ZNF800: variants seen among roughly 807,000 people sequenced by gnomAD.
The protein encoded by ZNF800 is zinc finger protein 800.
In ZNF800, 13 loss-of-function variants were observed where a neutral mutation model predicts 59.5. The observed-to-expected ratio is 0.22, with a 90% CI of 0.14 to 0.35. The LOEUF (loss-of-function observed/expected upper bound fraction) is 0.35. Ranked by LOEUF, ZNF800 falls within the 10% of genes least tolerant of loss-of-function variation. The pLI is 1.00. For synonymous variants in ZNF800, 266 were observed against 265.7 expected, an observed-to-expected ratio of 1.00 and a Z score of -0.01; for missense variants, 621 against 783.7, an observed-to-expected ratio of 0.79 and a Z score of 2.48.
At chr7:127,353,476 A>T (rs6972420) in intron 1 of ZNF800, among the ~76,000 whole-genome samples, 118,244 of 152,146 alleles carry the variant, frequency 0.78, 46,208 homozygotes, top group East Asian at 0.94. Flanking sequence ...CTTGTTCAAC[A>T]ACTGAATTTT....
At chr7:127,359,499 A>T (rs1800350066) in intron 1 of ZNF800, among the ~76,000 whole-genome samples, 1 of 152,188 alleles carries the variant, frequency 6.6e-6, no homozygotes, top group East Asian at 1.9e-4. Flanking sequence ...AGTTATTTTT[A>T]AAATAGAACT....
chr7:127,363,549 T>C (rs902469853), intron 1 of ZNF800: 2 of 150,950 alleles, frequency 1.3e-5, no homozygotes, highest in Admixed American at 6.6e-5. Context: ...ATGTATAGCC[T>C]AGAGAAGAGA....
At chr7:127,391,408 TG>T in intron 2 of ZNF800, 88 bp downstream of exon 2, 3 of 1,268,790 alleles carry the variant, frequency 2.4e-6, no homozygotes, top group Non-Finnish European at 3.5e-6. Flanking sequence ...GAATGACTAC[TG>T]GGGCAGGAGG....
rs1328159151 is a variant in ZNF800, at chr7:127,371,407, A to T, written c.*407T>A. ...ATGAAAATGTTGCCAAATAAAGAGA[A>T]ACAAAACTAAAATCACTAAGATATA... On this transcript the variant is annotated 3_prime_UTR_variant, in exon 6 of 6. Coordinates refer to ENST00000265827, the MANE Select transcript of ZNF800 (RefSeq NM_176814.5). The T allele has an allele frequency of 1.9e-5, 3 of 158,694 alleles. No homozygotes were observed. The highest frequency in any genetic ancestry group is 4.1e-5 in the Non-Finnish European group (3 of 72,420). The allele number at this position is 158,694 out of a possible 1,614,324, so 9.8% of individuals were successfully genotyped here. A position where few individuals can be genotyped will look rare whatever the true frequency, so the allele number is the denominator to read the frequency against.
chr7:127,370,842 A>G lies in ZNF800; in HGVS notation c.*972T>C, dbSNP rs1239235682. ...TTCTAAATTTTACAGTAGGAATCAAATATTATCTAAAGTGGTCCTTTAAGA... is the reference window on the plus strand; with the variant it reads ...TTCTAAATTTTACAGTAGGAATCAAGTATTATCTAAAGTGGTCCTTTAAGA... On this transcript the variant is annotated 3_prime_UTR_variant, in exon 6 of 6. Coordinates refer to ENST00000265827, the MANE Select transcript of ZNF800 (RefSeq NM_176814.5). The G allele has an allele frequency of 1.3e-5, 2 of 152,530 alleles. No individual in the cohort carries two copies. Among genetic ancestry groups the G allele is most frequent in the Admixed American group, 6.5e-5 (1 of 15,278 alleles). The allele number at this position is 152,530 out of a possible 1,614,324, so 9.4% of individuals were successfully genotyped here.
At chr7:127,353,745 G>A in intron 1 of ZNF800, among the ~76,000 whole-genome samples, 1 of 152,034 alleles carries the variant, frequency 6.6e-6, no homozygotes, top group East Asian at 1.9e-4. Context: ...TTTGTCTTTT[G>A]TGACACAATT....
intron 1 of ZNF800, among the ~76,000 whole-genome samples, chr7:127,355,891 A>G (rs1800261241): frequency 6.7e-6 from 1 of 150,050 alleles, no homozygotes; most frequent in African/African-American, 2.5e-5. Context: ...AGAAAATCAC[A>G]CTTACACAGG....
chr7:127,385,391 C>T (rs2117189716), intron 3 of ZNF800, among the ~76,000 whole-genome samples: 1 of 152,256 alleles, frequency 6.6e-6, no homozygotes, highest in South Asian at 2.1e-4. Context: ...CATAGGGGCG[C>T]TAACAGTTCC....
chr7:127,350,534 A>T (rs1276955661), intron 1 of ZNF800: 1 of 152,230 alleles, frequency 6.6e-6, no homozygotes, highest in African/African-American at 2.4e-5. Context: ...ATTTAATAGA[A>T]CGAAAGCAGA....
Position 127,392,287 on chromosome 7 carries a change from C to A in ZNF800, c.-286G>T, listed in dbSNP as rs779260002. On this transcript the variant is annotated 5_prime_UTR_variant, in exon 1 of 6. Coordinates refer to ENST00000265827, the MANE Select transcript of ZNF800 (RefSeq NM_176814.5). ...GTCCCTCCGCGGGCCGAGACGACTG[C>A]GGCGGCGGCTCACGGCGTCCTCCGC... The A allele has an allele frequency of 2.6e-6, 1 of 390,678 alleles. No homozygotes were observed. Among genetic ancestry groups the A allele is most frequent in the Non-Finnish European group, 4.5e-6 (1 of 220,882 alleles). The allele number at this position is 390,678 out of a possible 1,614,324, so 24.2% of individuals were successfully genotyped here.
At chr7:127,372,060 G>A (rs10254399) in intron 5 of ZNF800, among the ~76,000 whole-genome samples, 97,499 of 152,058 alleles carry the variant, frequency 0.64, 31,677 homozygotes, top group East Asian at 0.86. Context: ...CCTTAATACA[G>A]GGGACACAGG....
At chr7:127,387,857 TC>T (rs1416838229) in intron 2 of ZNF800, among the ~76,000 whole-genome samples, 1 of 151,302 alleles carries the variant, frequency 6.6e-6, no homozygotes, top group African/African-American at 2.4e-5. Context: ...CAAAACTGAC[TC>T]AAAATAAATA....
intron 3 of ZNF800, among the ~76,000 whole-genome samples, chr7:127,378,226 A>G (rs1185843734): frequency 1.3e-5 from 2 of 152,092 alleles, no homozygotes; most frequent in South Asian, 2.1e-4. Flanking sequence ...CTATGAAAGA[A>G]TATCTTTAGG....
rs189638869 is a variant in ZNF800, at chr7:127,373,246, C to T, written c.1994+96G>A. The T allele has an allele frequency of 6.6e-6, 10 of 1,505,672 alleles. No homozygotes were observed. In the East Asian group the frequency reaches 1.4e-4, roughly 21 times the overall value. The allele number at this position is 1,505,672 out of a possible 1,614,324, so 93.3% of individuals were successfully genotyped here. ...TTGCCATGAGATATATGGAAGCAAA[C>T]GTGTTAAAATGGAACCAGCTATAAA... On this transcript the variant is annotated intron_variant, in intron 5 of 5. Transcript: ENST00000265827.
intron 1 of ZNF800, among the ~76,000 whole-genome samples, chr7:127,358,818 C>T (rs1800336802): frequency 2.0e-5 from 3 of 152,042 alleles, no homozygotes; most frequent in Non-Finnish European, 2.9e-5. Context: ...GTGCCTCGCA[C>T]GAAGCAGGAG....
At position 127,373,899 on chromosome 7, in the gene ZNF800, A is replaced by C; in HGVS notation, c.1437T>G (p.Ala479=). 1 of 1,614,208 alleles carries C rather than the reference A, an allele frequency of 6.2e-7. No individual in the cohort carries two copies. The highest frequency in any genetic ancestry group is 8.5e-7 in the Non-Finnish European group (1 of 1,180,034). The change falls in exon 5 of 6, where the codon GCT becomes GCG. Residue 479 remains alanine (A), a synonymous_variant. Transcript: ENST00000265827. ...AGTAAAGTTGCTTAAAGTCAAAGCC[A>C]GCTGAAAGTTTTGGTTTTCTGGTTT... ...QQKTRKPKLS[A]GFDFKQLYCK...
At chr7:127,383,210 T>C (rs561658398) in intron 3 of ZNF800, among the ~76,000 whole-genome samples, 7 of 152,132 alleles carry the variant, frequency 4.6e-5, no homozygotes, top group African/African-American at 1.7e-4. Context: ...CCAGCTTGCA[T>C]AGGAATTAAT....
At chr7:127,382,510 C>T (rs1337232965) in intron 3 of ZNF800, among the ~76,000 whole-genome samples, 1 of 152,022 alleles carries the variant, frequency 6.6e-6, no homozygotes, top group East Asian at 1.9e-4. Flanking sequence ...GAAACATGAT[C>T]CTATCAGAAT....
At chr7:127,345,489 T>C (rs115470846), downstream of ZNF800, among the ~76,000 whole-genome samples, 486 of 152,276 alleles carry the variant, frequency 3.2e-3, 2 homozygotes, top group African/African-American at 0.011. Context: ...ATCTAAAGGA[T>C]ACGGTTGTGG....
Sources: gnomAD v4.1 joint callset for allele counts (sites outside exome capture counted in the v4.1 genomes callset) on GRCh38, gnomAD v4.1.1 for gene constraint, MANE v1.5 for transcripts, NCBI Gene and HGNC (gene_info 2026-07-23, HGNC 2026-07-21) for gene names.